Variants in AGTPBP1 observed in about 807,000 individuals in gnomAD.
AGTPBP1 encodes the protein ATP/GTP binding carboxypeptidase 1.
AGTPBP1 carries 70 observed loss-of-function variants against 143.9 expected under a neutral mutation model. That is an observed-to-expected ratio of 0.49 (90% confidence interval 0.40 to 0.59). The LOEUF (loss-of-function observed/expected upper bound fraction) is 0.59, where lower values mean the gene tolerates loss of function less well. AGTPBP1 is among the 20% of genes least tolerant of loss of function. The probability of loss-of-function intolerance (pLI) is 0.00; values close to 1 mark genes in which losing one functional copy is unlikely to be tolerated. For synonymous variants in AGTPBP1, 463 were observed against 500.2 expected, an observed-to-expected ratio of 0.93 and a Z score of 0.99; for missense variants, 1,229 against 1,464.5, an observed-to-expected ratio of 0.84 and a Z score of 2.62.
At position 85,642,851 on chromosome 9, in the gene AGTPBP1, G is replaced by C. The variant is rs777305825; in HGVS notation, c.1278C>G (p.Phe426Leu). The C allele has an allele frequency of 1.2e-6, 2 of 1,611,828 alleles. No individual in the cohort carries two copies. Among genetic ancestry groups the C allele is most frequent in the South Asian group, 2.2e-5 (2 of 90,244 alleles). The change falls in exon 13 of 26, where the codon TTC (phenylalanine) becomes TTG (leucine). Residue 426 changes from phenylalanine to leucine, a missense_variant. Around this residue, in one of 2 missense-constraint regions of AGTPBP1, gnomAD observed 743 missense variants for 812.2 expected, o/e 0.91. Transcript: ENST00000357081. ...IEDLKMYEHL[F>L]PELVDDFQDY... is the part of the protein sequence containing the mutation. Reference sequence around the variant, plus strand: ...CCTGAAAATCATCAACAAGCTCAGGGAAAAGGTGTTCATACATTTTTAGAT... The same window carrying C: ...CCTGAAAATCATCAACAAGCTCAGGCAAAAGGTGTTCATACATTTTTAGAT...
chr9:85,768,717 T>C, the AGTPBP1 span, among the ~76,000 whole-genome samples: 1 of 152,086 alleles, frequency 6.6e-6, no homozygotes, highest in Non-Finnish European at 1.5e-5. Context: ...AGAAATAGAA[T>C]GGCTGGTGAA....
chr9:85,634,193 CAAAAAAAAAA>C (rs112565067), intron 13 of AGTPBP1, among the ~76,000 whole-genome samples: 11 of 56,318 alleles, frequency 2.0e-4, no homozygotes, highest in Admixed American at 3.9e-4. Context: ...GACTCTCTCT[CAAAAAAAAAA>C]AAAAAAAAAA....
chr9:85,572,392 G>A (rs999926063), intron 25 of AGTPBP1, among the ~76,000 whole-genome samples: 1 of 151,646 alleles, frequency 6.6e-6, no homozygotes, highest in African/African-American at 2.4e-5. Flanking sequence ...CCTTTTTTGT[G>A]CCACAGTCCC....
intron 18 of AGTPBP1, among the ~76,000 whole-genome samples, chr9:85,595,838 T>C (rs1236003360): frequency 6.6e-6 from 1 of 152,214 alleles, no homozygotes; most frequent in Non-Finnish European, 1.5e-5. Context: ...CTAGCACTTA[T>C]TTCTAATTTG....
At chr9:85,803,194 T>A in the AGTPBP1 span, among the ~76,000 whole-genome samples, 1 of 152,190 alleles carries the variant, frequency 6.6e-6, no homozygotes, top group African/African-American at 2.4e-5. Flanking sequence ...AGAAAGGGGA[T>A]CTTTCTTCCC....
chr9:85,572,004 G>GTGTTTTTTTTTT (rs1827509214), intron 25 of AGTPBP1, among the ~76,000 whole-genome samples: 1 of 43,494 alleles, frequency 2.3e-5, no homozygotes, highest in East Asian at 1.1e-3. Context: ...GTTTGTGTGT[G>GTGTTTTTTTTTT]TTTTTTTTTT....
chr9:85,767,449 G>C, the AGTPBP1 span, among the ~76,000 whole-genome samples: 1 of 151,684 alleles, frequency 6.6e-6, no homozygotes, highest in Non-Finnish European at 1.5e-5. Context: ...CCTGGTTCAA[G>C]CGATTTCCCT....
rs1449590184 is a variant in AGTPBP1, at chr9:85,571,897, G to A, written c.3503+3418C>T. ...AGACAAAGAGGAATGATAGCATGGA[G>A]GAAGAAGTGACTAGTTTGCCTACAT... On this transcript the variant is annotated intron_variant, in intron 25 of 25. Coordinates refer to ENST00000357081, the MANE Select transcript of AGTPBP1 (RefSeq NM_001330701.2). Among the ~76,000 whole-genome samples, 3 of 151,724 alleles carry A rather than the reference G, an allele frequency of 2.0e-5. No homozygotes were observed. The East Asian group carries it at 5.8e-4, about 29-fold the overall frequency.
intron 1 of AGTPBP1, among the ~76,000 whole-genome samples, chr9:85,722,926 G>A (rs969338452): frequency 6.6e-6 from 1 of 152,078 alleles, no homozygotes; most frequent in Admixed American, 6.6e-5. Context: ...TAACAGTCGG[G>A]CCCCTCAGCT....
chr9:85,679,697 CA>C (rs1178215196), intron 4 of AGTPBP1, among the ~76,000 whole-genome samples: 1 of 152,150 alleles, frequency 6.6e-6, no homozygotes, highest in Non-Finnish European at 1.5e-5. Flanking sequence ...CGTGAGCCAC[CA>C]CACCCAGCCT....
chr9:85,681,457 G>T, intron 3 of AGTPBP1, 122 bp from the exon 4 acceptor site: 1 of 701,208 alleles, frequency 1.4e-6, no homozygotes. Flanking sequence ...CTCTAACTTG[G>T]TTCACAGACG....
At position 85,741,865 on chromosome 9, in the gene AGTPBP1, C is replaced by T; in HGVS notation, c.-124G>A. 1 of 1,397,010 alleles carries T rather than the reference C, an allele frequency of 7.2e-7. No individual in the cohort carries two copies. Among genetic ancestry groups the T allele is most frequent in the Non-Finnish European group, 9.3e-7 (1 of 1,077,516 alleles). The allele number at this position is 1,397,010 out of a possible 1,614,324, so 86.5% of individuals were successfully genotyped here. On this transcript the variant is annotated 5_prime_UTR_variant, in exon 1 of 26. Transcript: ENST00000357081. The stretch of plus-strand genomic sequence containing the variant: ...ACGGCGGATCCCTCGCCGCCCGCCG[C>T]CCGGTGTTTTCATACAAACCCCGGT...
intron 24 of AGTPBP1, 64 bp from the exon 25 acceptor site, chr9:85,575,539 T>C (rs1827845247): frequency 3.8e-6 from 5 of 1,328,898 alleles, no homozygotes; most frequent in Non-Finnish European, 5.1e-6. Context: ...TACAGCTCAA[T>C]GAAATTATAT....
intron 17 of AGTPBP1, among the ~76,000 whole-genome samples, chr9:85,597,251 G>T (rs1829356028): frequency 6.7e-6 from 1 of 150,240 alleles, no homozygotes; most frequent in Non-Finnish European, 1.5e-5. Context: ...TTTATTTTTT[G>T]TATTTATCTT....
chr9:85,647,121 T>C (rs762093522), intron 11 of AGTPBP1, among the ~76,000 whole-genome samples: 1 of 152,010 alleles, frequency 6.6e-6, no homozygotes, highest in Non-Finnish European at 1.5e-5. Flanking sequence ...CTATTAAAAA[T>C]ACAAAATTAG....
chr9:85,657,465 A>G lies in AGTPBP1; in HGVS notation c.879T>C (p.Asn293=). 8.1e-6 allele frequency: 13 copies of G among 1,613,704 alleles called. No homozygotes were observed. The highest frequency in any genetic ancestry group is 1.0e-5 in the Non-Finnish European group (12 of 1,179,816). Residue 293 remains asparagine, a synonymous_variant, in exon 10 of 26, where the codon AAT becomes AAC. Transcript: ENST00000357081. The part of the protein sequence containing the change: ...KLGRKAFIDA[N]GMKILYNTSQ... The stretch of plus-strand genomic sequence containing the variant: ...AAGTATTATACAGAATTTTCATCCC[A>G]TTGGCATCAATAAATGCTTTTCTTC...
In AGTPBP1 at chr9:85,630,221, G is replaced by A. The variant is rs149339108; in HGVS notation, c.2015+2441C>T. Among the ~76,000 whole-genome samples, 3 of 152,268 alleles carry A rather than the reference G, an allele frequency of 2.0e-5. No homozygotes were observed. The East Asian group carries it at 5.8e-4, about 29-fold the overall frequency. ...GATTCTTCAAAAAGCAGATGCCAAG[G>A]CACAATGAGATATGCTCCTGTGGGC... On this transcript the variant is annotated intron_variant, in intron 14 of 25. Transcript: ENST00000357081.
intron 25 of AGTPBP1, among the ~76,000 whole-genome samples, chr9:85,572,878 T>C (rs1046002882): frequency 9.9e-5 from 15 of 152,178 alleles, no homozygotes; most frequent in African/African-American, 3.4e-4. Context: ...CCAAGTAATG[T>C]TTGTCACACC....
Position 85,657,767 on chromosome 9 carries a change from A to G in AGTPBP1, c.701-124T>C, listed in dbSNP as rs1376332122. The G allele has an allele frequency of 8.2e-6, 5 of 609,068 alleles. No individual in the cohort carries two copies. The Admixed American group carries it at 1.9e-4, about 23-fold the overall frequency. The allele number at this position is 609,068 out of a possible 1,614,324, so 37.7% of individuals were successfully genotyped here. A position where few individuals can be genotyped will look rare whatever the true frequency, so the allele number is the denominator to read the frequency against. The stretch of plus-strand genomic sequence containing the variant: ...ACTTATAATTCTTTTTTCCAAAACA[A>G]ATGACAAGCACATATTTATATTTTT... On this transcript the variant is annotated intron_variant, in intron 9 of 25. Coordinates refer to ENST00000357081, the MANE Select transcript of AGTPBP1 (RefSeq NM_001330701.2).
Sources: gnomAD v4.1 joint callset for allele counts (sites outside exome capture counted in the v4.1 genomes callset) on GRCh38, gnomAD v4.1.1 for gene constraint, gnomAD v4.1.1 regional missense constraint, MANE v1.5 for transcripts, NCBI Gene and HGNC (gene_info 2026-07-23, HGNC 2026-07-21) for gene names.